The following KAT6A variants were observed in gnomAD, a reference collection of about 807,000 sequenced individuals.
The protein encoded by KAT6A is lysine acetyltransferase 6A, also known as histone acetyltransferase KAT6A.
KAT6A carries 9 observed loss-of-function variants against 198.4 expected under a neutral mutation model. That is an observed-to-expected ratio of 0.05 (90% confidence interval 0.03 to 0.08). The LOEUF (loss-of-function observed/expected upper bound fraction) is 0.08. Among genes scored for constraint, KAT6A ranks in the 10% least tolerant of loss-of-function variants. The pLI is 1.00. For missense variants in KAT6A, 2,077 were observed against 2,509.9 expected (o/e 0.83, Z 3.69); for synonymous variants, 890 against 883.0 (o/e 1.01, Z -0.14).
Position 41,931,424 on chromosome 8 carries a change from ACAGTATT to A in KAT6A, c.*774_*780del. On this transcript the variant is annotated 3_prime_UTR_variant, in exon 17 of 17. Transcript: ENST00000265713. ...GAGATTCTGCTGTTAATTGAGACTTACAGTATTTTTGTGTCTCTGAGTGCTGAGTGGG... is the reference window on the plus strand; with the variant it reads ...GAGATTCTGCTGTTAATTGAGACTTATTTGTGTCTCTGAGTGCTGAGTGGG... 1 of 207,918 alleles carries A rather than the reference ACAGTATT, an allele frequency of 4.8e-6. No individual in the cohort carries two copies. The highest frequency in any genetic ancestry group is 9.8e-6 in the Non-Finnish European group (1 of 101,812). The allele number at this position is 207,918 out of a possible 1,614,324, so 12.9% of individuals were successfully genotyped here.
rs187050871 is a variant in KAT6A, at chr8:41,930,495, T to C, written c.*1710A>G. 4.8e-6 allele frequency: 1 copy of C among 206,782 alleles called. No homozygotes were observed. The highest frequency in any genetic ancestry group is 2.3e-5 in the African/African-American group (1 of 43,786). 12.8% of individuals were successfully genotyped at this position (206,782 alleles called of 1,614,324 possible). A position where few individuals can be genotyped will look rare whatever the true frequency, so the allele number is the denominator to read the frequency against. ...TAAAAAAACCAACAAACCTGTGCAT[T>C]TGAAAAAAGTTAATGCCTAATTAGT... On this transcript the variant is annotated 3_prime_UTR_variant, in exon 17 of 17. Coordinates refer to ENST00000265713, the MANE Select transcript of KAT6A (RefSeq NM_006766.5).
chr8:42,009,084 T>A (rs1192759101), intron 2 of KAT6A, among the ~76,000 whole-genome samples: 1 of 152,204 alleles, frequency 6.6e-6, no homozygotes, highest in Non-Finnish European at 1.5e-5. Context: ...CCTTTTAATA[T>A]CACGCTCTCA....
intron 2 of KAT6A, among the ~76,000 whole-genome samples, chr8:42,028,743 C>G (rs1826967131): frequency 6.6e-6 from 1 of 152,140 alleles, no homozygotes; most frequent in South Asian, 2.1e-4. Context: ...CAGCTGAAGA[C>G]TTATCCTGTA....
At chr8:41,992,924 T>C (rs1343152138) in intron 2 of KAT6A, among the ~76,000 whole-genome samples, 2 of 152,224 alleles carry the variant, frequency 1.3e-5, no homozygotes, top group Non-Finnish European at 2.9e-5. Context: ...AAACAAATTA[T>C]TGTTATTCTT....
intron 2 of KAT6A, among the ~76,000 whole-genome samples, chr8:42,044,098 C>CTTTT (rs36067311): frequency 1.1e-4 from 14 of 127,884 alleles, no homozygotes; most frequent in South Asian, 2.5e-4. Context: ...TGGGTAAAAA[C>CTTTT]TTTTTTTTTT....
intron 2 of KAT6A, among the ~76,000 whole-genome samples, chr8:42,007,961 CAAAAAA>C (rs988491987): frequency 3.5e-4 from 15 of 42,894 alleles, no homozygotes; most frequent in East Asian, 7.3e-4. Context: ...GACTCCGTCT[CAAAAAA>C]AAAAAAAAAA....
intron 1 of KAT6A, among the ~76,000 whole-genome samples, 162 bp downstream of exon 1, chr8:42,051,739 C>A (rs866554678): frequency 6.2e-5 from 9 of 145,074 alleles, no homozygotes; most frequent in African/African-American, 2.2e-4. Context: ...GGCCACGGCG[C>A]CCCAGCCCGA....
At chr8:42,028,726 T>C (rs1013622951) in intron 2 of KAT6A, among the ~76,000 whole-genome samples, 2 of 152,216 alleles carry the variant, frequency 1.3e-5, no homozygotes, top group Non-Finnish European at 2.9e-5. Flanking sequence ...TTCAAGATTA[T>C]TATTGACAGC....
chr8:41,974,614 T>C, intron 8 of KAT6A, 90 bp downstream of exon 8: 1 of 741,248 alleles, frequency 1.3e-6, no homozygotes, highest in East Asian at 2.5e-5. Context: ...GGCAAACTGC[T>C]GTTACTGCTT....
At position 41,986,898 on chromosome 8, in the gene KAT6A, T is replaced by G. The variant is rs193062757; in HGVS notation, c.709+557A>C. 7.0e-3 allele frequency among the ~76,000 whole-genome samples: 1,061 copies of G among 152,056 alleles called. 11 individuals carry two copies. The highest frequency in any genetic ancestry group is 0.024 in the African/African-American group (998 of 41,470). On this transcript the variant is annotated intron_variant, in intron 3 of 16. Coordinates refer to ENST00000265713, the MANE Select transcript of KAT6A (RefSeq NM_006766.5). ...ACTAAAAATATAAAAATTAGCCAGGTGTGGTGGCAGGCACCTGTAATCCCA... is the reference window on the plus strand; with the variant it reads ...ACTAAAAATATAAAAATTAGCCAGGGGTGGTGGCAGGCACCTGTAATCCCA...
chr8:42,000,133 G>A (rs1825415151), intron 2 of KAT6A, among the ~76,000 whole-genome samples: 2 of 152,146 alleles, frequency 1.3e-5, no homozygotes, highest in Admixed American at 1.3e-4. Flanking sequence ...ACTGCATTAA[G>A]AGTTTTAAAG....
intron 15 of KAT6A, among the ~76,000 whole-genome samples, chr8:41,938,977 A>G (rs1052738591): frequency 6.7e-6 from 1 of 149,038 alleles, no homozygotes; most frequent in Non-Finnish European, 1.5e-5. Context: ...AAAAAAAAAA[A>G]GCAGCAGCAG....
intron 2 of KAT6A, among the ~76,000 whole-genome samples, chr8:42,035,548 G>A (rs1012400079): frequency 3.3e-5 from 5 of 152,102 alleles, no homozygotes; most frequent in Admixed American, 3.3e-4. Context: ...CTAGATACAG[G>A]CAAAAGATAA....
chr8:41,976,248 G>C (rs1436887450), intron 7 of KAT6A, among the ~76,000 whole-genome samples: 1 of 152,164 alleles, frequency 6.6e-6, no homozygotes, highest in African/African-American at 2.4e-5. Context: ...TGGTCCAAAA[G>C]AGTTCATTCT....
intron 8 of KAT6A, among the ~76,000 whole-genome samples, chr8:41,964,822 AAC>A: frequency 1.3e-5 from 2 of 152,296 alleles, no homozygotes. Context: ...GTACTGTAAT[AAC>A]AGTTACGTGA....
chr8:42,014,911 T>A (rs1826198720), intron 2 of KAT6A, among the ~76,000 whole-genome samples: 1 of 152,196 alleles, frequency 6.6e-6, no homozygotes, highest in African/African-American at 2.4e-5. Context: ...TTATTAAATG[T>A]AGTTACAGGT....
chr8:41,932,877 T>G lies in KAT6A; in HGVS notation c.5343A>C (p.Ala1781=), dbSNP rs772052095. The part of the protein sequence containing the change: ...YSHSPAVTSY[A]TSVSLSNTGL... ...CTGTATTGGACAGAGAAACACTGGT[T>G]GCATAGGAAGTCACAGCAGGAGAAT... is the stretch of plus-strand genomic sequence containing the variant. The change falls in exon 17 of 17, where the codon GCA becomes GCC. Residue 1781 remains alanine (A), a synonymous_variant. Coordinates refer to ENST00000265713, the MANE Select transcript of KAT6A (RefSeq NM_006766.5). 9 of 1,614,112 alleles carry G rather than the reference T, an allele frequency of 5.6e-6. No individual in the cohort carries two copies. The highest frequency in any genetic ancestry group is 5.9e-6 in the Non-Finnish European group (7 of 1,180,024).
At chr8:41,973,659 C>A (rs1302307087) in intron 8 of KAT6A, among the ~76,000 whole-genome samples, 2 of 152,136 alleles carry the variant, frequency 1.3e-5, no homozygotes. Context: ...TTTCCAACCT[C>A]ACCTCCTGCC....
intron 2 of KAT6A, among the ~76,000 whole-genome samples, chr8:42,045,378 G>A (rs888448015): frequency 1.3e-5 from 2 of 152,046 alleles, no homozygotes; most frequent in East Asian, 3.9e-4. Context: ...CTGACCAACA[G>A]GGAGAAACCC....
Sources: allele counts gnomAD v4.1 joint callset (sites outside exome capture counted in the v4.1 genomes callset), GRCh38; gene constraint gnomAD v4.1.1; transcripts MANE v1.5; gene names NCBI Gene and HGNC (gene_info 2026-07-23, HGNC 2026-07-21).